ATP13A4: variants seen among roughly 807,000 people sequenced by gnomAD.
ATP13A4 encodes ATPase 13A4, also known as probable cation-transporting ATPase 13A4.
Under a neutral mutation model 142.5 loss-of-function variants are expected in ATP13A4, and 114 were observed. The ratio of observed to expected loss-of-function variants is 0.80; its 90% CI spans 0.69 to 0.93. The LOEUF is 0.93. ATP13A4 is among the 40% of genes least tolerant of loss of function. ATP13A4 has a pLI of 0.00. For missense variants in ATP13A4, 1,392 were observed against 1,454.0 expected, an observed-to-expected ratio of 0.96 and a Z score of 0.69; for synonymous variants, 488 against 514.8, an observed-to-expected ratio of 0.95 and a Z score of 0.70.
intron 1 of ATP13A4, among the ~76,000 whole-genome samples, chr3:193,541,327 T>G (rs1363170657): frequency 6.6e-6 from 1 of 151,346 alleles, no homozygotes; most frequent in African/African-American, 2.4e-5. Flanking sequence ...CACAGATTAT[T>G]TTACAAAGAT....
intron 1 of ATP13A4, among the ~76,000 whole-genome samples, chr3:193,543,660 A>G (rs1723066686): frequency 2.0e-5 from 3 of 152,172 alleles, no homozygotes; most frequent in Admixed American, 2.0e-4. Context: ...AAAGAACATC[A>G]CACTCCCCCT....
intron 1 of ATP13A4, among the ~76,000 whole-genome samples, chr3:193,550,314 T>C (rs574304880): frequency 6.6e-6 from 1 of 151,112 alleles, no homozygotes; most frequent in East Asian, 1.9e-4. Context: ...GGTTTTTTTT[T>C]TTTTTTTTTT....
intron 2 of ATP13A4, among the ~76,000 whole-genome samples, chr3:193,573,309 A>ATATATATATATATTCT (rs1560287396): frequency 2.6e-4 from 12 of 46,988 alleles, no homozygotes; most frequent in Non-Finnish European, 3.5e-4. Context: ...ATATATATAC[A>ATATATATATATATTCT]TATATATATA....
intron 29 of ATP13A4, chr3:193,403,637 G>T (rs1026771877): frequency 1.6e-5 from 9 of 550,018 alleles, no homozygotes; most frequent in African/African-American, 1.0e-4. Context: ...CAAAAGACAT[G>T]TCTCTTTGAA....
intron 1 of ATP13A4, among the ~76,000 whole-genome samples, chr3:193,532,598 T>C (rs1309461888): frequency 2.0e-5 from 3 of 151,906 alleles, no homozygotes; most frequent in African/African-American, 4.8e-5. Flanking sequence ...GATAGAATCA[T>C]TCATAAAGTG....
chr3:193,541,386 C>CTATCTGTGATTATCGATCACAGAT (rs1722917466), intron 1 of ATP13A4, among the ~76,000 whole-genome samples: 27 of 115,212 alleles, frequency 2.3e-4, no homozygotes, highest in African/African-American at 8.0e-4. Flanking sequence ...CACAGATTAT[C>CTATCTGTGATTATCGATCACAGAT]TATCTGTGAT....
chr3:193,503,975 T>C (rs1181934471), intron 2 of ATP13A4, among the ~76,000 whole-genome samples: 1 of 137,534 alleles, frequency 7.3e-6, no homozygotes, highest in African/African-American at 2.8e-5. Context: ...TCAGCCAGGC[T>C]TAGCACAGGT....
intron 25 of ATP13A4, among the ~76,000 whole-genome samples, chr3:193,422,293 A>G (rs1407594529): frequency 1.3e-5 from 2 of 149,930 alleles, no homozygotes; most frequent in Non-Finnish European, 3.0e-5. Flanking sequence ...GACTTCAATA[A>G]CCCACTTTCA....
At chr3:193,584,615 A>ATT (rs150108003) in intron 1 of ATP13A4, among the ~76,000 whole-genome samples, 67,358 of 148,602 alleles carry the variant, frequency 0.45, 15,273 homozygotes, top group Non-Finnish European at 0.46. Flanking sequence ...CTTTTCTTCT[A>ATT]TTTTTTTTTT....
In ATP13A4 at chr3:193,467,442, T is replaced by C. The variant is rs375205989; in HGVS notation, c.988A>G (p.Ser330Gly). ...VTKTPLPKMD[S>G]SVPWKTQSEA... ...CTCTGTGTTTTCCAGGGCACAGAGC[T>C]ATCCATCTTGGGTAACGGAGTTTTG... The change falls in exon 10 of 30, where the codon AGC becomes GGC. Residue 330 changes from serine to glycine, a missense_variant. Transcript: ENST00000342695. 1.9e-6 allele frequency: 3 copies of C among 1,613,870 alleles called. No homozygotes were observed. The highest frequency in any genetic ancestry group is 2.7e-5 in the African/African-American group (2 of 74,928).
intron 26 of ATP13A4, 139 bp from the exon 27 acceptor site, chr3:193,412,510 C>A (rs1714823003): frequency 1.1e-5 from 1 of 94,604 alleles, no homozygotes; most frequent in South Asian, 1.4e-4. Flanking sequence ...TTGGAAAACA[C>A]ACACACACAC....
At chr3:193,422,961 C>A (rs183501208) in intron 25 of ATP13A4, among the ~76,000 whole-genome samples, 34 of 148,766 alleles carry the variant, frequency 2.3e-4, no homozygotes, top group Non-Finnish European at 4.8e-4. Flanking sequence ...TAAACAAAAT[C>A]AACAAACCAT....
intron 1 of ATP13A4, among the ~76,000 whole-genome samples, chr3:193,583,414 C>CAGAGTG (rs59836557): frequency 0.52 from 78,948 of 151,408 alleles, 21,271 homozygotes; most frequent in African/African-American, 0.65. Context: ...GCCTGGGAGA[C>CAGAGTG]AGACTCCATC....
chr3:193,430,379 A>G (rs936887810), intron 25 of ATP13A4, among the ~76,000 whole-genome samples: 1 of 152,136 alleles, frequency 6.6e-6, no homozygotes, highest in Non-Finnish European at 1.5e-5. Flanking sequence ...GGATTACAGC[A>G]TGGATCAATA....
intron 1 of ATP13A4, among the ~76,000 whole-genome samples, chr3:193,545,183 C>A (rs1199290595): frequency 2.6e-5 from 4 of 152,106 alleles, no homozygotes; most frequent in African/African-American, 4.8e-5. Context: ...GCATTTTTCA[C>A]AATATTATCT....
chr3:193,411,943 GC>G (rs1412085881), intron 27 of ATP13A4, among the ~76,000 whole-genome samples: 1 of 152,200 alleles, frequency 6.6e-6, no homozygotes. Context: ...ACACCCAGAG[GC>G]AAACTTCTGG....
At chr3:193,425,949 G>A (rs151278487) in intron 25 of ATP13A4, among the ~76,000 whole-genome samples, 18 of 151,722 alleles carry the variant, frequency 1.2e-4, no homozygotes, top group Non-Finnish European at 1.9e-4. Flanking sequence ...ATTACACAAC[G>A]TATACATGTA....
In ATP13A4 at chr3:193,455,273, G is replaced by A. The variant is rs1423193777; in HGVS notation, c.1916-1061C>T. Among the ~76,000 whole-genome samples the A allele has an allele frequency of 5.3e-5, 8 of 150,252 alleles. No individual in the cohort carries two copies. The East Asian group carries it at 5.9e-4, about 11-fold the overall frequency. On this transcript the variant is annotated intron_variant, in intron 16 of 29. Transcript: ENST00000342695. ...GGAGAATGGCGTGAACCCGGGAGGC[G>A]GAGCTTGCAGTGAGCCGAGATTGCG...
At position 193,480,940 on chromosome 3, in the gene ATP13A4, T is replaced by C. The variant is rs150911273; in HGVS notation, c.808+2996A>G. ...GGCATATATGTAACATGGAATACCA[T>C]ACAGACATAAAAAATGAAATAATGG... On this transcript the variant is annotated intron_variant, in intron 8 of 29. Coordinates refer to ENST00000342695, the MANE Select transcript of ATP13A4 (RefSeq NM_032279.4). Among the ~76,000 whole-genome samples, 420 of 152,258 alleles carry C rather than the reference T, an allele frequency of 2.8e-3. 5 individuals are homozygous for C. Among genetic ancestry groups the C allele is most frequent in the African/African-American group, 9.6e-3 (397 of 41,568 alleles).
Sources: allele counts gnomAD v4.1 joint callset (sites outside exome capture counted in the v4.1 genomes callset), GRCh38; gene constraint gnomAD v4.1.1; transcripts MANE v1.5; gene names NCBI Gene and HGNC (gene_info 2026-07-23, HGNC 2026-07-21).